SYNDIG1: variants seen among roughly 807,000 people sequenced by gnomAD.
SYNDIG1 encodes synapse differentiation inducing 1.
Under a neutral mutation model 19.4 loss-of-function variants are expected in SYNDIG1, and 9 were observed. That is an observed-to-expected ratio of 0.46 (90% CI 0.28 to 0.81). The LOEUF (loss-of-function observed/expected upper bound fraction) is 0.81, where lower values mean the gene tolerates loss of function less well. SYNDIG1 is among the 30% of genes least tolerant of loss of function. The probability of loss-of-function intolerance (pLI) is 0.12; values close to 1 mark genes in which losing one functional copy is unlikely to be tolerated. For synonymous variants in SYNDIG1, 141 were observed against 145.9 expected (o/e 0.97, Z 0.24); for missense variants, 311 against 343.3 (o/e 0.91, Z 0.74).
At chr20:24,492,750 G>C (rs961111816) in intron 1 of SYNDIG1, among the ~76,000 whole-genome samples, 1 of 152,174 alleles carries the variant, frequency 6.6e-6, no homozygotes, top group African/African-American at 2.4e-5. Flanking sequence ...CCACCTGCAC[G>C]CCCATCCCCC....
At chr20:24,603,732 G>A (rs1323584847) in intron 3 of SYNDIG1, among the ~76,000 whole-genome samples, 2 of 152,294 alleles carry the variant, frequency 1.3e-5, no homozygotes, top group East Asian at 1.9e-4. Flanking sequence ...TATGGAAACG[G>A]TGTGTTCTGA....
At chr20:24,642,660 G>A (rs1361778005) in intron 3 of SYNDIG1, among the ~76,000 whole-genome samples, 2 of 151,968 alleles carry the variant, frequency 1.3e-5, no homozygotes, top group East Asian at 1.9e-4. Flanking sequence ...TGACCCTTGG[G>A]AGCTCTTTCA....
rs144963760 is a variant in SYNDIG1, at chr20:24,516,947, T to A, written c.-78-26073T>A. The stretch of plus-strand genomic sequence containing the variant: ...CTGGATTAAGAAAATGTGGCCCATA[T>A]ACACTAGGGAATGATATGCAGCCAT... On this transcript the variant is annotated intron_variant, in intron 1 of 3. Coordinates refer to ENST00000376862, the MANE Select transcript of SYNDIG1 (RefSeq NM_024893.3). Among the ~76,000 whole-genome samples the A allele has an allele frequency of 6.6e-5, 10 of 152,306 alleles. No individual in the cohort carries two copies. In the East Asian group the frequency reaches 1.9e-3, roughly 29 times the overall value.
chr20:24,653,861 T>C (rs549597219), intron 3 of SYNDIG1, among the ~76,000 whole-genome samples: 6 of 152,350 alleles, frequency 3.9e-5, no homozygotes, highest in African/African-American at 9.6e-5. Flanking sequence ...GTGTGGTCTG[T>C]GTCCCTGTCA....
At chr20:24,560,042 T>TTTAACA (rs2057907089) in intron 2 of SYNDIG1, among the ~76,000 whole-genome samples, 2 of 149,734 alleles carry the variant, frequency 1.3e-5, no homozygotes, top group Admixed American at 6.6e-5. Flanking sequence ...TTTTTTTTTT[T>TTTAACA]TTTAACATTT....
intron 1 of SYNDIG1, among the ~76,000 whole-genome samples, chr20:24,483,645 C>T (rs2055862691): frequency 6.6e-6 from 1 of 152,244 alleles, no homozygotes. Flanking sequence ...TGTGCACGCA[C>T]CTGCCTGCGG....
At chr20:24,642,560 T>A (rs2059388784) in intron 3 of SYNDIG1, among the ~76,000 whole-genome samples, 1 of 152,218 alleles carries the variant, frequency 6.6e-6, no homozygotes, top group Admixed American at 6.5e-5. Flanking sequence ...ATTAATTGGT[T>A]CATCCATTTA....
chr20:24,536,325 A>G (rs951067551), intron 1 of SYNDIG1, among the ~76,000 whole-genome samples: 9 of 152,134 alleles, frequency 5.9e-5, no homozygotes, highest in African/African-American at 1.9e-4. Flanking sequence ...CAGAATGGAC[A>G]TTTGTCTCCA....
intron 3 of SYNDIG1, among the ~76,000 whole-genome samples, chr20:24,661,403 A>AG (rs1568723026): frequency 1.9e-4 from 27 of 140,286 alleles, no homozygotes; most frequent in Non-Finnish European, 3.4e-4. Context: ...GGGAGGAGGT[A>AG]GGAAAGAAGG....
At chr20:24,560,878 A>C (rs1056188779) in intron 2 of SYNDIG1, among the ~76,000 whole-genome samples, 9 of 151,334 alleles carry the variant, frequency 5.9e-5, no homozygotes, top group Admixed American at 2.0e-4. Context: ...TAAAAAACAA[A>C]AAAAAAAAAG....
chr20:24,634,130 A>AG, intron 3 of SYNDIG1, among the ~76,000 whole-genome samples: 1 of 152,334 alleles, frequency 6.6e-6, no homozygotes, highest in South Asian at 2.1e-4. Context: ...CCCCTCCTCC[A>AG]GGGGGACCCC....
intron 2 of SYNDIG1, among the ~76,000 whole-genome samples, chr20:24,549,016 C>G (rs2057648551): frequency 6.6e-6 from 1 of 151,974 alleles, no homozygotes; most frequent in South Asian, 2.1e-4. Flanking sequence ...GTGATCAGAT[C>G]AGGGTAATTA....
intron 3 of SYNDIG1, among the ~76,000 whole-genome samples, chr20:24,595,704 C>G (rs925174790): frequency 5.3e-5 from 8 of 152,174 alleles, no homozygotes; most frequent in African/African-American, 1.9e-4. Context: ...CAATTTCTTC[C>G]TGGTTCAACC....
intron 3 of SYNDIG1, among the ~76,000 whole-genome samples, chr20:24,603,181 G>A (rs945194683): frequency 3.3e-5 from 5 of 152,016 alleles, no homozygotes; most frequent in Admixed American, 6.5e-5. Context: ...TGTTCTGCTT[G>A]GTCATTTCAT....
At chr20:24,536,663 A>T (rs559866993) in intron 1 of SYNDIG1, among the ~76,000 whole-genome samples, 1 of 152,122 alleles carries the variant, frequency 6.6e-6, no homozygotes, top group Admixed American at 6.5e-5. Context: ...TGTACCTGAG[A>T]GGGACAAGTG....
At chr20:24,504,153 C>T (rs560920680) in intron 1 of SYNDIG1, among the ~76,000 whole-genome samples, 2 of 152,144 alleles carry the variant, frequency 1.3e-5, no homozygotes, top group South Asian at 2.1e-4. Flanking sequence ...AGAGACAGGG[C>T]TTCACCGTGT....
At chr20:24,508,826 A>G (rs930303096) in intron 1 of SYNDIG1, among the ~76,000 whole-genome samples, 2 of 152,192 alleles carry the variant, frequency 1.3e-5, no homozygotes, top group Non-Finnish European at 2.9e-5. Flanking sequence ...CTGGAGTCAC[A>G]TGAGAACTGA....
At position 24,666,364 on chromosome 20, in the gene SYNDIG1, C is replaced by A. The variant is rs1005886017; in HGVS notation, c.*860C>A. Reference sequence around the variant, plus strand: ...CAATCACCGCGCTGGCGGATGCTCACCCCGTCATAAGCAGAAACTAGTGAT... The same window carrying A: ...CAATCACCGCGCTGGCGGATGCTCAACCCGTCATAAGCAGAAACTAGTGAT... On this transcript the variant is annotated 3_prime_UTR_variant, in exon 4 of 4. Coordinates refer to ENST00000376862, the MANE Select transcript of SYNDIG1 (RefSeq NM_024893.3). 8 of 152,762 alleles carry A rather than the reference C, an allele frequency of 5.2e-5. No individual in the cohort carries two copies. Among genetic ancestry groups the A allele is most frequent in the South Asian group, 2.1e-4 (1 of 4,826 alleles). 9.5% of individuals were successfully genotyped at this position (152,762 alleles called of 1,614,324 possible).
intron 1 of SYNDIG1, among the ~76,000 whole-genome samples, chr20:24,519,770 C>G (rs1392887278): frequency 6.6e-6 from 1 of 151,934 alleles, no homozygotes; most frequent in Non-Finnish European, 1.5e-5. Context: ...CTCTTTCTCC[C>G]TCCTTCTCCT....
Sources: allele counts gnomAD v4.1 joint callset (sites outside exome capture counted in the v4.1 genomes callset), GRCh38; gene constraint gnomAD v4.1.1; transcripts MANE v1.5; gene names NCBI Gene and HGNC (gene_info 2026-07-23, HGNC 2026-07-21).